XRRA1: variants seen among roughly 807,000 people sequenced by gnomAD.
XRRA1 encodes X-ray radiation resistance associated 1, also known as X-ray radiation resistance-associated protein 1.
Under a neutral mutation model 80.2 loss-of-function variants are expected in XRRA1, and 69 were observed. The ratio of observed to expected loss-of-function variants is 0.86; its 90% CI spans 0.71 to 1.05. The LOEUF (loss-of-function observed/expected upper bound fraction) is 1.05. Ranked by LOEUF, XRRA1 falls within the 50% of genes least tolerant of loss-of-function variation. XRRA1 has a pLI of 0.00. For missense variants in XRRA1, 967 were observed against 976.4 expected, an observed-to-expected ratio of 0.99 and a Z score of 0.13; for synonymous variants, 348 against 389.9, an observed-to-expected ratio of 0.89 and a Z score of 1.27.
At chr11:74,896,833 T>C (rs2052436482) in intron 10 of XRRA1, among the ~76,000 whole-genome samples, 1 of 152,192 alleles carries the variant, frequency 6.6e-6, no homozygotes, top group Non-Finnish European at 1.5e-5. Flanking sequence ...ACCAAGATGG[T>C]GCATGTACAA....
intron 4 of XRRA1, among the ~76,000 whole-genome samples, chr11:74,935,154 G>A (rs1475743081): frequency 6.6e-6 from 1 of 152,130 alleles, no homozygotes; most frequent in East Asian, 1.9e-4. Flanking sequence ...GAGGGGGACC[G>A]GTTTTGGAAA....
At chr11:74,849,063 C>G (rs1174811430) in intron 14 of XRRA1, among the ~76,000 whole-genome samples, 1 of 152,322 alleles carries the variant, frequency 6.6e-6, no homozygotes. Flanking sequence ...AGCCTGTGAC[C>G]ATTCTCCCTC....
At chr11:74,902,722 A>G (rs2053795392) in intron 10 of XRRA1, among the ~76,000 whole-genome samples, 1 of 152,160 alleles carries the variant, frequency 6.6e-6, no homozygotes, top group Non-Finnish European at 1.5e-5. Flanking sequence ...AATCAAAACA[A>G]TTGAACTCAT....
intron 14 of XRRA1, 48 bp downstream of exon 14, chr11:74,851,040 T>A: frequency 2.7e-6 from 4 of 1,487,076 alleles, no homozygotes; most frequent in Non-Finnish European, 3.7e-6. Flanking sequence ...TACATTATAA[T>A]AGGCTGCACT....
At position 74,936,876 on chromosome 11, in the gene XRRA1, A is replaced by T. The variant is rs200690201; in HGVS notation, c.279+8T>A. The T allele has an allele frequency of 8.3e-5, 133 of 1,611,754 alleles. No homozygotes were observed. The African/African-American group carries it at 1.8e-3, about 21-fold the overall frequency. ...GTGCTGGCCACTCCAGGATGCATTT[A>T]CTCTCACCAGAAAAGCCTGGTCCAG... On this transcript the variant is annotated splice_region_variant and intron_variant, in intron 4 of 18. Coordinates refer to ENST00000684022, the MANE Select transcript of XRRA1 (RefSeq NM_001378157.1).
rs371936169 is a variant in XRRA1 at position 74,883,401 on chromosome 11, G to A, written c.1004-20380C>T. On this transcript the variant is annotated intron_variant, in intron 10 of 18. Coordinates refer to ENST00000684022, the MANE Select transcript of XRRA1 (RefSeq NM_001378157.1). ...ACGGTGTGCGCACCCACTGACCTGC[G>A]CCCACTGTCTGGCACTCCCTAGTGA... Among the ~76,000 whole-genome samples the A allele has an allele frequency of 5.9e-5, 9 of 152,142 alleles. No individual in the cohort carries two copies. In the South Asian group the frequency reaches 1.0e-3, roughly 18 times the overall value.
intron 11 of XRRA1, among the ~76,000 whole-genome samples, chr11:74,862,485 G>A (rs747669417): frequency 3.9e-5 from 6 of 152,136 alleles, no homozygotes; most frequent in African/African-American, 1.4e-4. Flanking sequence ...CAGTCCCCAC[G>A]AGCATCTGCC....
At chr11:74,943,641 T>C (rs554634996) in intron 2 of XRRA1, among the ~76,000 whole-genome samples, 5 of 151,442 alleles carry the variant, frequency 3.3e-5, no homozygotes, top group African/African-American at 1.2e-4. Context: ...ACTGCTGCCA[T>C]GCAGAAACCT....
chr11:74,928,552 G>A (rs1279765119), intron 6 of XRRA1, among the ~76,000 whole-genome samples: 1 of 152,176 alleles, frequency 6.6e-6, no homozygotes. Flanking sequence ...AGATGGAGGG[G>A]CACAAAGAAT....
At chr11:74,937,429 A>G (rs1275044024) in intron 3 of XRRA1, among the ~76,000 whole-genome samples, 1 of 152,112 alleles carries the variant, frequency 6.6e-6, no homozygotes, top group Non-Finnish European at 1.5e-5. Flanking sequence ...TTTGCCCCTC[A>G]GTAGAGCTGA....
At chr11:74,844,643 C>T (rs1362601295) in intron 16 of XRRA1, among the ~76,000 whole-genome samples, 1 of 152,200 alleles carries the variant, frequency 6.6e-6, no homozygotes, top group Non-Finnish European at 1.5e-5. Context: ...TTTGGAAGTA[C>T]TGATTAACAC....
chr11:74,877,613 TC>T (rs1351133621), intron 10 of XRRA1, among the ~76,000 whole-genome samples: 2 of 68,518 alleles, frequency 2.9e-5, no homozygotes, highest in Non-Finnish European at 5.3e-5. Context: ...CCCTCCCCCC[TC>T]CCCCCACCCC....
chr11:74,855,437 T>C (rs572449916), intron 12 of XRRA1, among the ~76,000 whole-genome samples: 1 of 152,362 alleles, frequency 6.6e-6, no homozygotes, highest in South Asian at 2.1e-4. Context: ...ATGTGTGTGG[T>C]ATTTTCTGTG....
intron 16 of XRRA1, 77 bp downstream of exon 16, chr11:74,844,996 G>C: frequency 6.8e-7 from 1 of 1,471,726 alleles, no homozygotes; most frequent in African/African-American, 1.4e-5. Flanking sequence ...CTTGGTGCCA[G>C]CCTTGGCTTG....
chr11:74,865,099 T>A (rs995778239), intron 10 of XRRA1, among the ~76,000 whole-genome samples: 9 of 151,946 alleles, frequency 5.9e-5, no homozygotes, highest in African/African-American at 2.2e-4. Flanking sequence ...GGGAGACACA[T>A]GCCTGTCTGG....
At chr11:74,869,380 C>T (rs1330506531) in intron 10 of XRRA1, among the ~76,000 whole-genome samples, 5 of 152,118 alleles carry the variant, frequency 3.3e-5, no homozygotes, top group Non-Finnish European at 7.4e-5. Flanking sequence ...AGCAAAGCTT[C>T]CCTTTTAGCA....
chr11:74,911,729 T>C (rs2055934051), intron 8 of XRRA1, among the ~76,000 whole-genome samples: 1 of 152,080 alleles, frequency 6.6e-6, no homozygotes, highest in Non-Finnish European at 1.5e-5. Flanking sequence ...ATCATTTTAA[T>C]ATGTATAAGA....
At chr11:74,927,324 A>G (rs958692294) in intron 7 of XRRA1, 67 bp downstream of exon 7, 9 of 962,748 alleles carry the variant, frequency 9.3e-6, no homozygotes, top group Non-Finnish European at 1.5e-5. Context: ...TATAATCAGT[A>G]AAGCTCTATG....
intron 10 of XRRA1, among the ~76,000 whole-genome samples, chr11:74,865,713 G>C (rs911522842): frequency 2.2e-4 from 33 of 152,222 alleles, no homozygotes; most frequent in African/African-American, 7.5e-4. Flanking sequence ...CTTAAATTCA[G>C]TCCCTCTGGC....
Sources: allele counts gnomAD v4.1 joint callset (sites outside exome capture counted in the v4.1 genomes callset), GRCh38; gene constraint gnomAD v4.1.1; transcripts MANE v1.5; gene names NCBI Gene and HGNC (gene_info 2026-07-23, HGNC 2026-07-21).